The following OR13G1 variants were observed in gnomAD, a reference collection of about 807,000 sequenced individuals.
OR13G1 encodes the protein olfactory receptor 13G1.
For synonymous variants in OR13G1, 128 were observed against 136.2 expected (o/e 0.94, Z 0.42); for missense variants, 369 against 385.7 (o/e 0.96, Z 0.36).
chr1:247,678,127 T>C (rs1192077291), intron 1 of OR13G1, among the ~76,000 whole-genome samples: 5 of 152,142 alleles, frequency 3.3e-5, no homozygotes, highest in Non-Finnish European at 7.4e-5. Context: ...AATATTTATG[T>C]CACTATTTTA....
chr1:247,672,816 G>A lies in OR13G1; in HGVS notation c.226C>T (p.Pro76Ser), dbSNP rs1035544588. 1 of 1,613,896 alleles carries A rather than the reference G, an allele frequency of 6.2e-7. No individual in the cohort carries two copies. Among genetic ancestry groups the A allele is most frequent in the Non-Finnish European group, 8.5e-7 (1 of 1,179,856 alleles). ...VDIICTTSIIPKMLGTMLTSE... is the reference protein window; with the variant it reads ...VDIICTTSIISKMLGTMLTSE... ...GTTAGCATGGTCCCCAGCATCTTCG[G>A]TATGATGCTTGTTGTGCAGATGATG... Residue 76 changes from proline (P) to serine (S), a missense_variant, in exon 2 of 2, where the codon CCG becomes TCG. Physicochemically the swap from Pro to Ser is moderately conservative, Grantham distance 74. Transcript: ENST00000642119.
chr1:247,672,744 AG>A lies in OR13G1; in HGVS notation c.297del (p.Leu100CysfsTer34). 6.2e-7 allele frequency: 1 copy of A among 1,614,106 alleles called. No homozygotes were observed. Among genetic ancestry groups the A allele is most frequent in the Non-Finnish European group, 8.5e-7 (1 of 1,180,006 alleles). ...ISYAGCMSQL[F>X]LFTWSLGAEM... Reference sequence around the variant, plus strand: ...TCAGCTCCCAGAGACCATGTGAACAAGAAGAGCTGGGACATGCAGCCTGCAT... The same window carrying A: ...TCAGCTCCCAGAGACCATGTGAACAAAAGAGCTGGGACATGCAGCCTGCAT... On this transcript the variant is annotated frameshift_variant, in exon 2 of 2. Transcript: ENST00000642119. LOFTEE classifies it low-confidence loss of function (END_TRUNC).
At position 247,672,989 on chromosome 1, in the gene OR13G1, G is replaced by C. The variant is rs1252194958; in HGVS notation, c.53C>G (p.Pro18Arg). The C allele has an allele frequency of 6.2e-7, 1 of 1,613,810 alleles. No individual in the cohort carries two copies. The highest frequency in any genetic ancestry group is 8.5e-7 in the Non-Finnish European group (1 of 1,179,916). Residue 18 changes from proline (P) to arginine (R), a missense_variant, in exon 2 of 2, where the codon CCT (proline) becomes CGT (arginine). By Grantham distance (103) the Pro-to-Arg change is moderately radical. Transcript: ENST00000642119. ...EFIILGLTKKPELQGIIFLFF... is the reference protein window; with the variant it reads ...EFIILGLTKKRELQGIIFLFF... ...GAGGAAGATAATTCCCTGGAGTTCAGGCTTTTTGGTGAGGCCCAGAATAAT... is the reference window on the plus strand; with the variant it reads ...GAGGAAGATAATTCCCTGGAGTTCACGCTTTTTGGTGAGGCCCAGAATAAT...
rs2103153127 is a variant in OR13G1, at chr1:247,671,563, A to C, written c.*555T>G. ...TTTTTCCTGAACACATGGAGACTTT[A>C]GAGTTTGCCCAATAATTTTATTCAG... On this transcript the variant is annotated 3_prime_UTR_variant, in exon 2 of 2. Transcript: ENST00000642119. The C allele has an allele frequency of 6.4e-6, 1 of 156,182 alleles. No individual in the cohort carries two copies. Among genetic ancestry groups the C allele is most frequent in the East Asian group, 1.9e-4 (1 of 5,242 alleles). The allele number at this position is 156,182 out of a possible 1,614,324, so 9.7% of individuals were successfully genotyped here.
In OR13G1 at chr1:247,672,222, G is replaced by A; in HGVS notation, c.820C>T (p.Leu274Phe). The change falls in exon 2 of 2, where the codon CTC becomes TTC. Residue 274 changes from leucine (L) to phenylalanine (F), a missense_variant. By Grantham distance (22) the Leu-to-Phe change is conservative. Transcript: ENST00000642119. ...AATGTGGGAGTCACAAGAGTATAGA[G>A]TGCAGCTACCACCTTGTCTCTTTCA... is the stretch of plus-strand genomic sequence containing the variant. ...TFERDKVVAA[L>F]YTLVTPTLNP... is the part of the protein sequence containing the mutation. The A allele has an allele frequency of 6.2e-7, 1 of 1,614,078 alleles. No homozygotes were observed. The highest frequency in any genetic ancestry group is 8.5e-7 in the Non-Finnish European group (1 of 1,179,950).
intron 1 of OR13G1, among the ~76,000 whole-genome samples, chr1:247,676,703 T>C (rs538401816): frequency 6.6e-6 from 1 of 152,324 alleles, no homozygotes; most frequent in South Asian, 2.1e-4. Flanking sequence ...TGGTCTTGGA[T>C]AAAATAATGA....
At chr1:247,675,510 T>C (rs1306900346) in intron 1 of OR13G1, among the ~76,000 whole-genome samples, 1 of 152,168 alleles carries the variant, frequency 6.6e-6, no homozygotes, top group East Asian at 1.9e-4. Context: ...TTTCTTCTTG[T>C]AATGTCCTCA....
rs1659246517 is a variant in OR13G1, at chr1:247,673,182, G to A, written c.-141C>T. 2.2e-5 allele frequency: 14 copies of A among 646,230 alleles called. No individual in the cohort carries two copies. The South Asian group carries it at 2.8e-4, about 13-fold the overall frequency. The allele number at this position is 646,230 out of a possible 1,614,324, so 40.0% of individuals were successfully genotyped here. A position where few individuals can be genotyped will look rare whatever the true frequency, so the allele number is the denominator to read the frequency against. On this transcript the variant is annotated 5_prime_UTR_variant, in exon 2 of 2. Coordinates refer to ENST00000642119, the MANE Select transcript of OR13G1 (RefSeq NM_001005487.2). The stretch of plus-strand genomic sequence containing the variant: ...TTGATTGGACACAACTTTGCAGCAG[G>A]AATTCCCATTTGATGGAGTTCTGTA...
At chr1:247,673,832 T>G (rs1659261302) in intron 1 of OR13G1, among the ~76,000 whole-genome samples, 1 of 152,142 alleles carries the variant, frequency 6.6e-6, no homozygotes. Flanking sequence ...ATTTAAGCTC[T>G]GTAAGATTTG....
Position 247,673,020 on chromosome 1 carries a change from C to CA in OR13G1, c.21dup (p.Glu8Ter), listed in dbSNP as rs1659244271. 1 of 1,611,252 alleles carries CA rather than the reference C, an allele frequency of 6.2e-7. No individual in the cohort carries two copies. Among genetic ancestry groups the CA allele is most frequent in the Non-Finnish European group, 8.5e-7 (1 of 1,178,754 alleles). ...TTGGTGAGGCCCAGAATAATGAACT[C>CA]AGTTACAACGCTGTGATTCATCCTG... On this transcript the variant is annotated frameshift_variant, in exon 2 of 2. Transcript: ENST00000642119. LOFTEE classifies it low-confidence loss of function (END_TRUNC).
In OR13G1 at chr1:247,678,458, A is replaced by G. The variant is rs536564540; in HGVS notation, c.-239+1182T>C. On this transcript the variant is annotated intron_variant, in intron 1 of 1. Transcript: ENST00000642119. ...CTCCCCACAGCAGCCACTGTGTTTT[A>G]TGGGGACAGAGTGATACAAATTTCC... 2.0e-5 allele frequency among the ~76,000 whole-genome samples: 3 copies of G among 152,268 alleles called. No individual in the cohort carries two copies. The East Asian group carries it at 5.8e-4, about 29-fold the overall frequency.
chr1:247,676,542 G>A (rs1422147068), intron 1 of OR13G1, among the ~76,000 whole-genome samples: 1 of 152,034 alleles, frequency 6.6e-6, no homozygotes, highest in Non-Finnish European at 1.5e-5. Flanking sequence ...TATGCTATTA[G>A]ATTATGACGA....
Position 247,672,027 on chromosome 1 carries a change from G to T in OR13G1, c.*91C>A. 9.7e-7 allele frequency: 1 copy of T among 1,035,036 alleles called. No individual in the cohort carries two copies. The highest frequency in any genetic ancestry group is 1.4e-6 in the Non-Finnish European group (1 of 710,938). The allele number at this position is 1,035,036 out of a possible 1,614,324, so 64.1% of individuals were successfully genotyped here. A position where few individuals can be genotyped will look rare whatever the true frequency, so the allele number is the denominator to read the frequency against. ...CAGGAATAAGAGGGAAGGGAAAATT[G>T]GAGTGGAGGTAAGTATGAAAAACCA... On this transcript the variant is annotated 3_prime_UTR_variant, in exon 2 of 2. Coordinates refer to ENST00000642119, the MANE Select transcript of OR13G1 (RefSeq NM_001005487.2).
At chr1:247,676,002 T>A (rs1339341330) in intron 1 of OR13G1, among the ~76,000 whole-genome samples, 2 of 152,240 alleles carry the variant, frequency 1.3e-5, no homozygotes, top group Non-Finnish European at 1.5e-5. Flanking sequence ...TAATCTAGCT[T>A]AGATTTTCTA....
At chr1:247,678,072 C>T (rs577772788) in intron 1 of OR13G1, among the ~76,000 whole-genome samples, 2 of 152,230 alleles carry the variant, frequency 1.3e-5, no homozygotes, top group African/African-American at 4.8e-5. Context: ...CATTGCACTC[C>T]GACCTGGGCA....
In OR13G1 at chr1:247,672,284, A is replaced by G. The variant is rs764770977; in HGVS notation, c.758T>C (p.Ile253Thr). 16 of 1,614,102 alleles carry G rather than the reference A, an allele frequency of 9.9e-6. No homozygotes were observed. The highest frequency in any genetic ancestry group is 1.7e-4 in the Middle Eastern group (1 of 6,060). The change falls in exon 2 of 2, where the codon ATC becomes ACC. Residue 253 changes from isoleucine (I) to threonine (T), a missense_variant. Physicochemically the swap from Ile to Thr is moderately conservative, Grantham distance 89. Coordinates refer to ENST00000642119, the MANE Select transcript of OR13G1 (RefSeq NM_001005487.2). The part of the protein sequence containing the change: ...TVVTLYYSPV[I>T]YTYIRPASSY... Reference sequence around the variant, plus strand: ...GGAAGCAGGGCGGATATAGGTGTAGATTACAGGAGAATAGTAAAGGGTCAC... The same window carrying G: ...GGAAGCAGGGCGGATATAGGTGTAGGTTACAGGAGAATAGTAAAGGGTCAC...
chr1:247,673,167 A>C lies in OR13G1; in HGVS notation c.-126T>G. On this transcript the variant is annotated 5_prime_UTR_variant, in exon 2 of 2. Coordinates refer to ENST00000642119, the MANE Select transcript of OR13G1 (RefSeq NM_001005487.2). ...TTAGGGACTTAATTCTTGATTGGAC[A>C]CAACTTTGCAGCAGGAATTCCCATT... 1 of 699,672 alleles carries C rather than the reference A, an allele frequency of 1.4e-6. No homozygotes were observed. The highest frequency in any genetic ancestry group is 2.8e-5 in the Admixed American group (1 of 35,230). 43.3% of individuals were successfully genotyped at this position (699,672 alleles called of 1,614,324 possible). A position where few individuals can be genotyped will look rare whatever the true frequency, so the allele number is the denominator to read the frequency against.
At chr1:247,679,320 C>T (rs1262016138) in intron 1 of OR13G1, among the ~76,000 whole-genome samples, 1 of 152,034 alleles carries the variant, frequency 6.6e-6, no homozygotes, top group Non-Finnish European at 1.5e-5. Context: ...GTATGTTAAC[C>T]TAAATTTAGT....
intron 1 of OR13G1, among the ~76,000 whole-genome samples, chr1:247,673,617 A>T (rs983717864): frequency 3.3e-5 from 5 of 152,130 alleles, no homozygotes; most frequent in African/African-American, 1.2e-4. Context: ...TATTCATGGG[A>T]ACATTGACTA....
Sources: gnomAD v4.1 joint callset for allele counts (sites outside exome capture counted in the v4.1 genomes callset) on GRCh38, gnomAD v4.1.1 for gene constraint, MANE v1.5 for transcripts, NCBI Gene and HGNC (gene_info 2026-07-23, HGNC 2026-07-21) for gene names.